The following AIG1 variants were observed in gnomAD, a reference collection of about 807,000 sequenced individuals.
AIG1 encodes androgen induced 1.
Under a neutral mutation model 31.4 loss-of-function variants are expected in AIG1, and 23 were observed. The observed-to-expected ratio is 0.73, with a 90% CI of 0.53 to 1.04. The LOEUF is 1.04. AIG1 is among the 50% of genes least tolerant of loss of function. The probability of loss-of-function intolerance (pLI) is 0.00; values close to 1 mark genes in which losing one functional copy is unlikely to be tolerated. For synonymous variants in AIG1, 100 were observed against 110.5 expected, an observed-to-expected ratio of 0.90 and a Z score of 0.60; for missense variants, 274 against 295.0, an observed-to-expected ratio of 0.93 and a Z score of 0.52.
intron 1 of AIG1, among the ~76,000 whole-genome samples, chr6:143,069,471 A>G (rs929155770): frequency 2.0e-5 from 3 of 152,142 alleles, no homozygotes; most frequent in African/African-American, 7.2e-5. Context: ...GGGAACTCAT[A>G]TTGTATCTTC....
intron 4 of AIG1, among the ~76,000 whole-genome samples, chr6:143,322,368 T>A (rs9484726): frequency 6.6e-6 from 1 of 152,156 alleles, no homozygotes; most frequent in African/African-American, 2.4e-5. Flanking sequence ...CTCCTCCCCC[T>A]CCAGAGCTAG....
At chr6:143,205,895 G>C (rs1270348560) in intron 3 of AIG1, among the ~76,000 whole-genome samples, 1 of 152,206 alleles carries the variant, frequency 6.6e-6, no homozygotes, top group African/African-American at 2.4e-5. Flanking sequence ...TAGCAGAAGT[G>C]CTTGAGGAAT....
intron 3 of AIG1, among the ~76,000 whole-genome samples, chr6:143,172,210 T>C (rs1787705583): frequency 6.6e-6 from 1 of 152,226 alleles, no homozygotes; most frequent in Admixed American, 6.5e-5. Flanking sequence ...CTATTTATCT[T>C]TGTTTTTGTT....
At chr6:143,068,616 G>A (rs1052771876) in intron 1 of AIG1, among the ~76,000 whole-genome samples, 5 of 152,170 alleles carry the variant, frequency 3.3e-5, no homozygotes, top group African/African-American at 4.8e-5. Flanking sequence ...TTTCAAAAGC[G>A]ATACATACTT....
Position 143,329,991 on chromosome 6 carries a change from A to G in AIG1, c.516-3291A>G, listed in dbSNP as rs1776943397. ...AATTAAATATAGTGACAAAAAGCATAAAGATTTTGGAGGTTTTTTTTGAGA... is the reference window on the plus strand; with the variant it reads ...AATTAAATATAGTGACAAAAAGCATGAAGATTTTGGAGGTTTTTTTTGAGA... On this transcript the variant is annotated intron_variant, in intron 4 of 5. Coordinates refer to ENST00000357847, the MANE Select transcript of AIG1 (RefSeq NM_016108.4). The surrounding 1 kb of genome is among the most constrained non-coding windows in gnomAD (Gnocchi z 4.9). Among the ~76,000 whole-genome samples the G allele has an allele frequency of 6.6e-6, 1 of 152,180 alleles. No homozygotes were observed. Among genetic ancestry groups the G allele is most frequent in the South Asian group, 2.1e-4 (1 of 4,828 alleles).
At position 143,143,500 on chromosome 6, in the gene AIG1, C is replaced by CA. The variant is rs60620136; in HGVS notation, c.297+6539dup. ...TGGGTGACAGAGCGAGACTTCATCT[C>CA]AAAAAAAAAAAAAAAAAAAAAAAAA... On this transcript the variant is annotated intron_variant, in intron 2 of 5. Coordinates refer to ENST00000357847, the MANE Select transcript of AIG1 (RefSeq NM_016108.4). Among the ~76,000 whole-genome samples, 111 of 27,478 alleles carry CA rather than the reference C, an allele frequency of 4.0e-3. 10 individuals carry two copies. The highest frequency in any genetic ancestry group is 7.0e-3 in the African/African-American group (51 of 7,324). The allele number at this position is 27,478 out of a possible 152,430, so 18.0% of individuals were successfully genotyped here. A position where few individuals can be genotyped will look rare whatever the true frequency, so the allele number is the denominator to read the frequency against.
At chr6:143,266,750 C>T (rs575002544) in intron 3 of AIG1, among the ~76,000 whole-genome samples, 1 of 152,094 alleles carries the variant, frequency 6.6e-6, no homozygotes, top group South Asian at 2.1e-4. Context: ...TTGAGATCAG[C>T]TTGGGCAACA....
intron 1 of AIG1, among the ~76,000 whole-genome samples, chr6:143,093,220 T>A (rs1385005224): frequency 6.6e-6 from 1 of 152,230 alleles, no homozygotes; most frequent in Non-Finnish European, 1.5e-5. Flanking sequence ...TCAGCAATGA[T>A]CTTAGTTGGA....
intron 3 of AIG1, among the ~76,000 whole-genome samples, chr6:143,171,468 A>T (rs1321379452): frequency 2.9e-5 from 3 of 103,852 alleles, no homozygotes; most frequent in South Asian, 2.7e-4. Flanking sequence ...ATATATATTT[A>T]ATATATATAA....
At chr6:143,146,506 AC>A (rs944345078) in intron 2 of AIG1, among the ~76,000 whole-genome samples, 12 of 141,396 alleles carry the variant, frequency 8.5e-5, no homozygotes, top group Admixed American at 4.9e-4. Flanking sequence ...TCTCCCCAAC[AC>A]CCCCATCTTT....
intron 1 of AIG1, among the ~76,000 whole-genome samples, chr6:143,136,544 G>A (rs2128521105): frequency 6.6e-6 from 1 of 152,238 alleles, no homozygotes; most frequent in African/African-American, 2.4e-5. Flanking sequence ...TGGCCCTGCT[G>A]GTTTGATCGT....
At chr6:143,335,042 TCA>T (rs1268137580) in intron 5 of AIG1, 1 of 1,402,552 alleles carries the variant, frequency 7.1e-7, no homozygotes, top group African/African-American at 1.5e-5. Context: ...TTTTAAAAAT[TCA>T]TTTTAGATAT....
At chr6:143,202,805 T>C (rs557777123) in intron 3 of AIG1, among the ~76,000 whole-genome samples, 2 of 152,254 alleles carry the variant, frequency 1.3e-5, no homozygotes, top group East Asian at 3.9e-4. Flanking sequence ...GCAAGCAGCA[T>C]CACAGAGGAG....
At chr6:143,217,740 C>T (rs1454393684) in intron 3 of AIG1, among the ~76,000 whole-genome samples, 1 of 152,176 alleles carries the variant, frequency 6.6e-6, no homozygotes, top group Non-Finnish European at 1.5e-5. Context: ...AACTTCTCAT[C>T]TCAAGTGATC....
intron 3 of AIG1, among the ~76,000 whole-genome samples, chr6:143,180,429 G>T (rs1432557443): frequency 6.6e-6 from 1 of 152,106 alleles, no homozygotes; most frequent in African/African-American, 2.4e-5. Context: ...TCGTTATTCT[G>T]GCCTGTTTCC....
At chr6:143,224,696 A>G (rs1487284977) in intron 3 of AIG1, among the ~76,000 whole-genome samples, 9 of 152,182 alleles carry the variant, frequency 5.9e-5, no homozygotes, top group African/African-American at 2.2e-4. Context: ...TAGGTCCTCA[A>G]TAAATACATG....
At chr6:143,202,554 GTAGAGTT>G (rs1790784049) in intron 3 of AIG1, among the ~76,000 whole-genome samples, 1 of 152,170 alleles carries the variant, frequency 6.6e-6, no homozygotes, top group South Asian at 2.1e-4. Flanking sequence ...CACATCAACA[GTAGAGTT>G]TGGGGAGAAT....
At chr6:143,223,078 A>G (rs773294022) in intron 3 of AIG1, among the ~76,000 whole-genome samples, 7 of 152,248 alleles carry the variant, frequency 4.6e-5, no homozygotes, top group Non-Finnish European at 1.0e-4. Context: ...CATGAGAAAC[A>G]GCCTTGGTGG....
chr6:143,219,577 C>T (rs565624087), intron 3 of AIG1, among the ~76,000 whole-genome samples: 1 of 152,172 alleles, frequency 6.6e-6, no homozygotes, highest in Non-Finnish European at 1.5e-5. Context: ...AAAAATATAA[C>T]AAAAGAACAG....
Sources: gnomAD v4.1 joint callset for allele counts (sites outside exome capture counted in the v4.1 genomes callset) on GRCh38, gnomAD v4.1.1 for gene constraint, Gnocchi (gnomAD v3.1) non-coding constraint, MANE v1.5 for transcripts, NCBI Gene and HGNC (gene_info 2026-07-23, HGNC 2026-07-21) for gene names.